The following MIPOL1 variants were observed in gnomAD, a reference collection of about 807,000 sequenced individuals.
MIPOL1 encodes the protein mirror-image polydactyly gene 1 protein.
MIPOL1 carries 57 observed loss-of-function variants against 60.9 expected under a neutral mutation model. The ratio of observed to expected loss-of-function variants is 0.94; its 90% confidence interval spans 0.76 to 1.17. The LOEUF is 1.17. Among genes scored for constraint, MIPOL1 ranks in the 50% most tolerant of loss-of-function variants. The pLI, the probability that MIPOL1 is intolerant of heterozygous loss-of-function variation, is 0.00. For missense variants in MIPOL1, 551 were observed against 511.6 expected, an observed-to-expected ratio of 1.08 and a Z score of -0.74; for synonymous variants, 179 against 168.8, an observed-to-expected ratio of 1.06 and a Z score of -0.47.
intron 12 of MIPOL1, among the ~76,000 whole-genome samples, chr14:37,527,218 G>T (rs1555369108): frequency 6.7e-6 from 1 of 149,992 alleles, no homozygotes; most frequent in Non-Finnish European, 1.5e-5. Context: ...AATTTTGCAT[G>T]TTTTTTTTTA....
chr14:37,391,412 T>TTC (rs2093234826), intron 10 of MIPOL1, among the ~76,000 whole-genome samples: 1 of 151,688 alleles, frequency 6.6e-6, no homozygotes, highest in African/African-American at 2.4e-5. Flanking sequence ...TTTTTTTTTT[T>TTC]TTGAGATAGA....
chr14:37,245,439 A>G (rs1051015075), intron 1 of MIPOL1, among the ~76,000 whole-genome samples: 1 of 152,144 alleles, frequency 6.6e-6, no homozygotes, highest in African/African-American at 2.4e-5. Context: ...TGTACAAGAT[A>G]TGAATTGAAA....
intron 6 of MIPOL1, among the ~76,000 whole-genome samples, chr14:37,281,670 G>A (rs190332974): frequency 1.9e-3 from 293 of 152,292 alleles, no homozygotes; most frequent in Middle Eastern, 0.014. Context: ...CTCCCAAAGG[G>A]CTGGGATTAC....
chr14:37,288,929 A>G (rs562038989), intron 7 of MIPOL1, among the ~76,000 whole-genome samples: 2 of 152,236 alleles, frequency 1.3e-5, no homozygotes, highest in African/African-American at 2.4e-5. Context: ...TTCTTTTCTC[A>G]TATGAAAGAA....
At chr14:37,231,842 G>A (rs562784835) in intron 1 of MIPOL1, among the ~76,000 whole-genome samples, 20 of 152,278 alleles carry the variant, frequency 1.3e-4, no homozygotes, top group African/African-American at 4.3e-4. Flanking sequence ...CACTTTAGGA[G>A]GCTGAGGTGG....
At chr14:37,245,306 A>G (rs990670145) in intron 1 of MIPOL1, among the ~76,000 whole-genome samples, 2 of 152,148 alleles carry the variant, frequency 1.3e-5, no homozygotes, top group African/African-American at 4.8e-5. Context: ...ATGTCTTTTG[A>G]CAGATTTCAT....
intron 1 of MIPOL1, among the ~76,000 whole-genome samples, chr14:37,236,070 G>T (rs1035465819): frequency 1.4e-4 from 21 of 151,892 alleles, no homozygotes; most frequent in African/African-American, 4.6e-4. Context: ...GGGATTACAG[G>T]CGCATGCCAC....
chr14:37,367,910 C>G (rs1326881241), intron 9 of MIPOL1, among the ~76,000 whole-genome samples: 1 of 151,944 alleles, frequency 6.6e-6, no homozygotes, highest in Non-Finnish European at 1.5e-5. Flanking sequence ...TGATTGCATT[C>G]TGACCAAATA....
chr14:37,208,333 C>A (rs552363019), intron 1 of MIPOL1, among the ~76,000 whole-genome samples: 2 of 152,130 alleles, frequency 1.3e-5, no homozygotes, highest in South Asian at 4.1e-4. Flanking sequence ...TTGAAGCATA[C>A]CAGTTTCCTA....
At chr14:37,230,007 G>A (rs768267657) in intron 1 of MIPOL1, among the ~76,000 whole-genome samples, 15 of 152,080 alleles carry the variant, frequency 9.9e-5, no homozygotes, top group Non-Finnish European at 1.6e-4. Flanking sequence ...TGTAAAACAT[G>A]GTGACTACAG....
intron 10 of MIPOL1, among the ~76,000 whole-genome samples, chr14:37,392,671 CT>C (rs2093277445): frequency 6.6e-6 from 1 of 152,042 alleles, no homozygotes; most frequent in South Asian, 2.1e-4. Context: ...TGTAAATATC[CT>C]TTATCCCTGT....
intron 6 of MIPOL1, among the ~76,000 whole-genome samples, chr14:37,274,307 A>G (rs1362246177): frequency 6.6e-6 from 1 of 151,312 alleles, no homozygotes; most frequent in Non-Finnish European, 1.5e-5. Flanking sequence ...TTCTAATGTG[A>G]TTTTATGATA....
At chr14:37,331,962 A>T (rs1016885041) in intron 9 of MIPOL1, among the ~76,000 whole-genome samples, 4 of 152,078 alleles carry the variant, frequency 2.6e-5, no homozygotes, top group Non-Finnish European at 5.9e-5. Flanking sequence ...CAGCCTGGCC[A>T]GGATGTCTCT....
intron 9 of MIPOL1, among the ~76,000 whole-genome samples, chr14:37,335,298 CTG>C (rs1223745402): frequency 6.6e-6 from 1 of 151,996 alleles, no homozygotes; most frequent in Non-Finnish European, 1.5e-5. Flanking sequence ...ATAAAATTTA[CTG>C]TCTTCACTAT....
At chr14:37,373,437 T>C (rs1230923286) in intron 10 of MIPOL1, among the ~76,000 whole-genome samples, 1 of 152,058 alleles carries the variant, frequency 6.6e-6, no homozygotes, top group South Asian at 2.1e-4. Context: ...CTGGGGTACA[T>C]GTGCAGAACA....
At chr14:37,234,705 T>C (rs1192240365) in intron 1 of MIPOL1, among the ~76,000 whole-genome samples, 1 of 152,054 alleles carries the variant, frequency 6.6e-6, no homozygotes, top group East Asian at 1.9e-4. Context: ...TATAGTAGGC[T>C]TCCATTCTAG....
At chr14:37,405,989 T>C (rs2093580795) in intron 10 of MIPOL1, among the ~76,000 whole-genome samples, 1 of 151,880 alleles carries the variant, frequency 6.6e-6, no homozygotes, top group Non-Finnish European at 1.5e-5. Flanking sequence ...CCTAAAAAAC[T>C]TTTTGATGAA....
At chr14:37,523,343 G>C (rs930821505) in intron 12 of MIPOL1, 2 of 323,694 alleles carry the variant, frequency 6.2e-6, no homozygotes, top group African/African-American at 4.2e-5. Context: ...TTTAAATGGT[G>C]ATCTAGGTGT....
At chr14:37,409,120 C>T (rs906628894) in intron 10 of MIPOL1, among the ~76,000 whole-genome samples, 32 of 152,128 alleles carry the variant, frequency 2.1e-4, no homozygotes, top group Non-Finnish European at 4.6e-4. Flanking sequence ...CACAAGTACT[C>T]CTTGGAGGAA....
Sources: allele counts gnomAD v4.1 joint callset (sites outside exome capture counted in the v4.1 genomes callset), GRCh38; gene constraint gnomAD v4.1.1; transcripts MANE v1.5; gene names NCBI Gene and HGNC (gene_info 2026-07-23, HGNC 2026-07-21).